Variants in UBR3 observed in about 807,000 individuals in gnomAD.
The protein encoded by UBR3 is ubiquitin protein ligase E3 component n-recognin 3, also known as E3 ubiquitin-protein ligase UBR3.
A neutral mutation model predicts 243.2 loss-of-function variants in UBR3; 85 were observed. The observed-to-expected ratio is 0.35, with a 90% CI of 0.29 to 0.42. The LOEUF (loss-of-function observed/expected upper bound fraction) is 0.42, where lower values mean the gene tolerates loss of function less well. Among genes scored for constraint, UBR3 ranks in the 10% least tolerant of loss-of-function variants. The probability of loss-of-function intolerance (pLI) is 1.00; values close to 1 mark genes in which losing one functional copy is unlikely to be tolerated. For synonymous variants in UBR3, 748 were observed against 799.8 expected, an observed-to-expected ratio of 0.94 and a Z score of 1.09; for missense variants, 1,686 against 2,300.8, an observed-to-expected ratio of 0.73 and a Z score of 5.47.
chr2:169,845,506 C>T (rs2082438812), intron 1 of UBR3, among the ~76,000 whole-genome samples: 1 of 89,574 alleles, frequency 1.1e-5, no homozygotes, highest in Admixed American at 1.3e-4. Context: ...TCGTCATCGT[C>T]GTCGTCGTCG....
intron 31 of UBR3, among the ~76,000 whole-genome samples, chr2:170,039,594 G>A (rs895088727): frequency 6.6e-6 from 1 of 152,128 alleles, no homozygotes; most frequent in African/African-American, 2.4e-5. Flanking sequence ...TCAGCAGTGT[G>A]TTTAGTGCCT....
At chr2:170,065,447 C>T (rs997729111) in intron 35 of UBR3, among the ~76,000 whole-genome samples, 11 of 152,066 alleles carry the variant, frequency 7.2e-5, no homozygotes, top group Admixed American at 1.3e-4. Flanking sequence ...CCACCGCACC[C>T]GACTAGTTTT....
chr2:169,878,425 C>A, intron 4 of UBR3, 100 bp from the exon 5 acceptor site: 3 of 1,205,164 alleles, frequency 2.5e-6, no homozygotes, highest in South Asian at 1.4e-5. Flanking sequence ...CCTAACGTAA[C>A]AAAACTTAGC....
At chr2:169,863,870 T>C (rs777795809) in intron 1 of UBR3, among the ~76,000 whole-genome samples, 12 of 152,112 alleles carry the variant, frequency 7.9e-5, no homozygotes, top group Non-Finnish European at 1.5e-4. Context: ...GAAGTAAAAA[T>C]AGCAAACTTT....
In UBR3 at chr2:170,000,937, T is replaced by C. The variant is rs2089673081; in HGVS notation, c.3919-367T>C. Among the ~76,000 whole-genome samples the C allele has an allele frequency of 1.3e-5, 2 of 152,096 alleles. 1 individual carries two copies. The highest frequency in any genetic ancestry group is 1.3e-4 in the Admixed American group (2 of 15,270). ...AAAGTAGGCGTTTCAAGAAGTAAGTTGTTAATGTCAGAAATCATAGAGAGA... is the reference window on the plus strand; with the variant it reads ...AAAGTAGGCGTTTCAAGAAGTAAGTCGTTAATGTCAGAAATCATAGAGAGA... On this transcript the variant is annotated intron_variant, in intron 26 of 38. Coordinates refer to ENST00000272793, the MANE Select transcript of UBR3 (RefSeq NM_172070.4).
Position 169,942,564 on chromosome 2 carries a change from G to C in UBR3, c.2735G>C (p.Ser912Thr), listed in dbSNP as rs770871868. The C allele has an allele frequency of 2.5e-5, 39 of 1,550,522 alleles. No homozygotes were observed. The South Asian group carries it at 4.5e-4, about 18-fold the overall frequency. ...PYKKRTSLHP[S>T]YKGLMRLLHC... ...AAGAAAAGGACATCACTCCATCCTA[G>C]CTATAAAGGTCTTATGAGACTTTTG... The change falls in exon 20 of 39, where the codon AGC becomes ACC. Residue 912 changes from serine to threonine, a missense_variant. Around this residue, in one of 8 missense-constraint regions of UBR3, gnomAD observed 300 missense variants for 314.4 expected, o/e 0.95. Transcript: ENST00000272793.
chr2:170,081,424 C>T (rs1483496287), intron 38 of UBR3, among the ~76,000 whole-genome samples: 6 of 152,044 alleles, frequency 3.9e-5, no homozygotes, highest in African/African-American at 7.2e-5. Flanking sequence ...GGCATGAACT[C>T]GGGAGGCGGA....
intron 1 of UBR3, among the ~76,000 whole-genome samples, chr2:169,869,600 G>C (rs765290678): frequency 7.2e-5 from 11 of 152,194 alleles, no homozygotes; most frequent in South Asian, 4.1e-4. Context: ...AAAATTAACT[G>C]TAATGAACCA....
At chr2:169,828,804 C>CACTTTGTT (rs2081832819) in intron 1 of UBR3, among the ~76,000 whole-genome samples, 2 of 152,158 alleles carry the variant, frequency 1.3e-5, no homozygotes. Context: ...CAGTTAAGGG[C>CACTTTGTT]ACTTTGTTCA....
intron 24 of UBR3, among the ~76,000 whole-genome samples, chr2:169,980,829 A>G (rs1286042850): frequency 2.1e-5 from 3 of 139,920 alleles, no homozygotes; most frequent in African/African-American, 8.1e-5. Flanking sequence ...GAAAAGAGGA[A>G]CTAGGGTCCT....
intron 8 of UBR3, among the ~76,000 whole-genome samples, chr2:169,899,588 C>G (rs1310807844): frequency 1.3e-5 from 2 of 152,052 alleles, no homozygotes; most frequent in East Asian, 3.9e-4. Flanking sequence ...ATACATGTGC[C>G]ATGGTGGTTT....
chr2:170,030,163 T>C (rs535610809), intron 31 of UBR3, among the ~76,000 whole-genome samples: 1 of 152,268 alleles, frequency 6.6e-6, no homozygotes, highest in South Asian at 2.1e-4. Flanking sequence ...TTTACTTTAG[T>C]GAGAATCTTT....
intron 18 of UBR3, among the ~76,000 whole-genome samples, chr2:169,930,919 T>C (rs2086098269): frequency 6.6e-6 from 1 of 152,170 alleles, no homozygotes; most frequent in Non-Finnish European, 1.5e-5. Flanking sequence ...TATACATCTG[T>C]GGTAATTCAG....
chr2:169,938,965 A>G (rs1207713361), intron 19 of UBR3, among the ~76,000 whole-genome samples: 1 of 152,082 alleles, frequency 6.6e-6, no homozygotes, highest in East Asian at 1.9e-4. Flanking sequence ...AAAACTACAC[A>G]TTCACTTTCT....
At chr2:169,874,697 T>G (rs932870228) in intron 2 of UBR3, among the ~76,000 whole-genome samples, 2 of 152,198 alleles carry the variant, frequency 1.3e-5, no homozygotes, top group Admixed American at 1.3e-4. Flanking sequence ...TATATTACTA[T>G]ATAAGTCACT....
chr2:169,856,821 G>A (rs1179833403), intron 1 of UBR3, among the ~76,000 whole-genome samples: 2 of 146,728 alleles, frequency 1.4e-5, no homozygotes, highest in African/African-American at 5.1e-5. Context: ...GGGAGACCGT[G>A]CAAAGGGGAG....
chr2:169,963,381 A>G (rs553878685), intron 24 of UBR3, among the ~76,000 whole-genome samples: 1 of 152,160 alleles, frequency 6.6e-6, no homozygotes, highest in Admixed American at 6.5e-5. Context: ...CTCTGTCATC[A>G]TGTCTCTTTC....
chr2:170,016,896 G>A, intron 30 of UBR3: 2 of 825,806 alleles, frequency 2.4e-6, no homozygotes, highest in Middle Eastern at 3.3e-4. Context: ...TATAGAAAAA[G>A]TCATGATAAA....
chr2:169,837,433 G>A (rs939351261), intron 1 of UBR3, among the ~76,000 whole-genome samples: 6 of 152,214 alleles, frequency 3.9e-5, no homozygotes, highest in Non-Finnish European at 8.8e-5. Flanking sequence ...CCGCGATCAC[G>A]CCATTGCACT....
Sources: gnomAD v4.1 joint callset for allele counts (sites outside exome capture counted in the v4.1 genomes callset) on GRCh38, gnomAD v4.1.1 for gene constraint, gnomAD v4.1.1 regional missense constraint, MANE v1.5 for transcripts, NCBI Gene and HGNC (gene_info 2026-07-23, HGNC 2026-07-21) for gene names.